The following KIF6 variants were observed in gnomAD, a reference collection of about 807,000 sequenced individuals.
The protein encoded by KIF6 is kinesin family member 6, also known as kinesin-like protein KIF6.
KIF6 carries 106 observed loss-of-function variants against 112.7 expected under a neutral mutation model. That is an observed-to-expected ratio of 0.94 (90% CI 0.80 to 1.11). KIF6 has a LOEUF of 1.11. Ranked by LOEUF, KIF6 falls within the 50% of genes least tolerant of loss-of-function variation. The pLI is 0.00. For synonymous variants in KIF6, 339 were observed against 339.9 expected (o/e 1.00, Z 0.03); for missense variants, 929 against 964.0 (o/e 0.96, Z 0.48).
intron 9 of KIF6, 40 bp downstream of exon 9, chr6:39,584,858 C>T: frequency 7.9e-7 from 1 of 1,269,834 alleles, no homozygotes; most frequent in Non-Finnish European, 1.1e-6. Context: ...CTTTGATATA[C>T]TTTAATATAT....
intron 13 of KIF6, among the ~76,000 whole-genome samples, chr6:39,531,558 G>A (rs1778061401): frequency 6.6e-6 from 1 of 152,122 alleles, no homozygotes; most frequent in South Asian, 2.1e-4. Context: ...AAGCCATGAG[G>A]TTCTAACATG....
rs1234963417 is a variant in KIF6 at position 39,343,801 on chromosome 6, G to C, written c.2336C>G (p.Pro779Arg). The change falls in exon 22 of 23, where the codon CCA (proline) becomes CGA (arginine). Residue 779 changes from proline (P) to arginine (R), a missense_variant. Physicochemically the swap from Pro to Arg is moderately radical, Grantham distance 103. Transcript: ENST00000287152. The surrounding 1 kb of genome is among the most constrained non-coding windows in gnomAD (Gnocchi z 4.1). ...TPLEDSIPKRPVSSIPLTGDS... is the reference protein window; with the variant it reads ...TPLEDSIPKRRVSSIPLTGDS... ...TCCGGTGAGAGGGATGGACGACACT[G>C]GCCTCTTGGGGATGCTGGAGGCAAC... The C allele has an allele frequency of 1.2e-6, 2 of 1,604,034 alleles. No individual in the cohort carries two copies.
At chr6:39,714,855 A>G (rs987935892) in intron 2 of KIF6, 89 bp from the exon 3 acceptor site, 8 of 849,750 alleles carry the variant, frequency 9.4e-6, no homozygotes, top group Middle Eastern at 2.4e-4. Flanking sequence ...AGCTCTATTA[A>G]TTACCCCATA....
At chr6:39,495,995 C>T (rs1261854382) in intron 13 of KIF6, among the ~76,000 whole-genome samples, 1 of 152,240 alleles carries the variant, frequency 6.6e-6, no homozygotes, top group Non-Finnish European at 1.5e-5. Flanking sequence ...TCTCAGGCTG[C>T]TGTGGTCTGG....
intron 5 of KIF6, among the ~76,000 whole-genome samples, chr6:39,614,770 T>TTTGAA (rs1783411437): frequency 1.3e-5 from 2 of 152,166 alleles, no homozygotes; most frequent in African/African-American, 4.8e-5. Context: ...GAGAAAGGCA[T>TTTGAA]TTGAATTGAA....
At chr6:39,410,034 C>T (rs557975225) in intron 15 of KIF6, among the ~76,000 whole-genome samples, 1 of 152,364 alleles carries the variant, frequency 6.6e-6, no homozygotes, top group South Asian at 2.1e-4. Flanking sequence ...GAGCACAGTT[C>T]CTGCTGGTAT....
At chr6:39,691,443 TG>T (rs1455908664) in intron 3 of KIF6, 2 of 152,202 alleles carry the variant, frequency 1.3e-5, no homozygotes, top group Non-Finnish European at 2.9e-5. Flanking sequence ...CTAAAGACCT[TG>T]AAGTTCCTTT....
rs201403179 is a variant in KIF6, at chr6:39,360,534, C to A, written c.1947-4G>T. On this transcript the variant is annotated splice_region_variant and splice_polypyrimidine_tract_variant and intron_variant, in intron 17 of 22. Coordinates refer to ENST00000287152, the MANE Select transcript of KIF6 (RefSeq NM_145027.6). ...GCGAGTGAACATTGTTTTATACCTG[C>A]GGTGGAATCGGGGAAGAGTCAGGGC... 2 of 1,614,018 alleles carry A rather than the reference C, an allele frequency of 1.2e-6. No individual in the cohort carries two copies. Among genetic ancestry groups the A allele is most frequent in the Non-Finnish European group, 1.7e-6 (2 of 1,180,010 alleles).
chr6:39,639,556 A>G, intron 4 of KIF6, 54 bp downstream of exon 4: 4 of 1,370,604 alleles, frequency 2.9e-6, no homozygotes, highest in East Asian at 2.5e-5. Flanking sequence ...TGCTTTCAGT[A>G]TATTTTTGCT....
At chr6:39,686,587 G>A (rs1252367193) in intron 3 of KIF6, among the ~76,000 whole-genome samples, 1 of 152,056 alleles carries the variant, frequency 6.6e-6, no homozygotes, top group Non-Finnish European at 1.5e-5. Context: ...TTAGCCCATG[G>A]TAATATCAAA....
intron 19 of KIF6, chr6:39,353,892 T>TGCTAAGTGGA (rs1581653149): frequency 1.7e-6 from 1 of 572,184 alleles, no homozygotes; most frequent in East Asian, 6.3e-5. Flanking sequence ...CAGTTCCTAC[T>TGCTAAGTGGA]GCTAAGTGGA....
At chr6:39,507,564 C>A (rs900202986) in intron 13 of KIF6, among the ~76,000 whole-genome samples, 3 of 151,888 alleles carry the variant, frequency 2.0e-5, no homozygotes, top group African/African-American at 7.3e-5. Context: ...CCCCACAAGG[C>A]CATAACCTAC....
intron 3 of KIF6, among the ~76,000 whole-genome samples, chr6:39,712,699 A>G (rs1215822420): frequency 6.6e-6 from 1 of 152,142 alleles, no homozygotes; most frequent in African/African-American, 2.4e-5. Context: ...CCCATCTCAC[A>G]AGACAGAAAA....
At chr6:39,607,929 G>C (rs1433816134) in intron 6 of KIF6, among the ~76,000 whole-genome samples, 5 of 152,036 alleles carry the variant, frequency 3.3e-5, no homozygotes, top group Non-Finnish European at 5.9e-5. Flanking sequence ...AAATCCTCTT[G>C]TTTTCCACAC....
chr6:39,649,226 T>G (rs1027946666), intron 3 of KIF6, among the ~76,000 whole-genome samples: 14 of 152,246 alleles, frequency 9.2e-5, no homozygotes, highest in African/African-American at 3.1e-4. Flanking sequence ...CTAAGATCTC[T>G]TACAGCTTCA....
chr6:39,526,343 A>G (rs1777724684), intron 13 of KIF6, among the ~76,000 whole-genome samples: 1 of 151,892 alleles, frequency 6.6e-6, no homozygotes, highest in Non-Finnish European at 1.5e-5. Flanking sequence ...TCTGGAAGTG[A>G]TGACTGAATG....
intron 15 of KIF6, among the ~76,000 whole-genome samples, chr6:39,394,234 G>A (rs751167926): frequency 1.2e-4 from 19 of 152,040 alleles, no homozygotes; most frequent in Non-Finnish European, 2.2e-4. Context: ...CATGATTTAC[G>A]ATTCACATAA....
intron 12 of KIF6, 155 bp downstream of exon 12, chr6:39,544,400 T>C (rs1778954561): frequency 1.7e-6 from 1 of 596,990 alleles, no homozygotes; most frequent in Non-Finnish European, 2.7e-6. Context: ...CTGGTTGCAA[T>C]ACTTTGCTGA....
chr6:39,493,937 T>C (rs1270623433), intron 13 of KIF6, among the ~76,000 whole-genome samples: 1 of 152,198 alleles, frequency 6.6e-6, no homozygotes, highest in Non-Finnish European at 1.5e-5. Flanking sequence ...CTTGGCATCT[T>C]TTATCAAAAA....
Sources: gnomAD v4.1 joint callset for allele counts (sites outside exome capture counted in the v4.1 genomes callset) on GRCh38, gnomAD v4.1.1 for gene constraint, Gnocchi (gnomAD v3.1) non-coding constraint, MANE v1.5 for transcripts, NCBI Gene and HGNC (gene_info 2026-07-23, HGNC 2026-07-21) for gene names.